The following EML6 variants were observed in gnomAD, a reference collection of about 807,000 sequenced individuals.
The protein encoded by EML6 is echinoderm microtubule-associated protein-like 6.
A neutral mutation model predicts 240.1 loss-of-function variants in EML6; 154 were observed. The ratio of observed to expected loss-of-function variants is 0.64; its 90% confidence interval spans 0.56 to 0.73. The LOEUF is 0.73. Ranked by LOEUF, EML6 falls within the 30% of genes least tolerant of loss-of-function variation. The probability of loss-of-function intolerance (pLI) is 0.00; values close to 1 mark genes in which losing one functional copy is unlikely to be tolerated. For missense variants in EML6, 2,964 were observed against 2,474.6 expected (o/e 1.20, Z -4.20); for synonymous variants, 1,148 against 899.0 (o/e 1.28, Z -4.95).
chr2:54,904,429 A>G (rs529394573), intron 24 of EML6, among the ~76,000 whole-genome samples: 14 of 152,186 alleles, frequency 9.2e-5, no homozygotes, highest in African/African-American at 1.9e-4. Context: ...ACCAAGCCCA[A>G]TGTATGCTCT....
At chr2:54,896,799 C>T (rs539640219) in intron 21 of EML6, among the ~76,000 whole-genome samples, 83 of 152,296 alleles carry the variant, frequency 5.4e-4, no homozygotes, top group African/African-American at 2.0e-3. Context: ...TGTGCATATA[C>T]ACTATGGCTC....
chr2:54,947,950 A>C (rs1675770450), intron 28 of EML6, among the ~76,000 whole-genome samples: 1 of 152,208 alleles, frequency 6.6e-6, no homozygotes, highest in African/African-American at 2.4e-5. Context: ...GGTGGTTGCT[A>C]ATGCGGCTCT....
intron 28 of EML6, among the ~76,000 whole-genome samples, chr2:54,941,605 C>T (rs1379039141): frequency 6.6e-6 from 1 of 152,202 alleles, no homozygotes; most frequent in Non-Finnish European, 1.5e-5. Context: ...TGAAGCTTGG[C>T]CCAATAAATG....
intron 2 of EML6, among the ~76,000 whole-genome samples, chr2:54,799,355 C>T (rs752855346): frequency 6.6e-6 from 1 of 152,022 alleles, no homozygotes; most frequent in East Asian, 1.9e-4. Context: ...GCCACCACGC[C>T]CAGCCTTTAT....
intron 26 of EML6, among the ~76,000 whole-genome samples, chr2:54,926,904 T>A (rs528956976): frequency 1.3e-5 from 2 of 152,212 alleles, no homozygotes; most frequent in Non-Finnish European, 2.9e-5. Flanking sequence ...GTCCCTCTTA[T>A]AAGTTGAGGG....
At chr2:54,787,890 C>T (rs1445965716) in intron 2 of EML6, among the ~76,000 whole-genome samples, 1 of 152,012 alleles carries the variant, frequency 6.6e-6, no homozygotes. Flanking sequence ...ATTTGAAACC[C>T]GGTTGTACAC....
intron 2 of EML6, among the ~76,000 whole-genome samples, chr2:54,788,344 C>CG (rs1487894216): frequency 6.6e-6 from 1 of 152,218 alleles, no homozygotes; most frequent in Non-Finnish European, 1.5e-5. Context: ...CTCACTTGAA[C>CG]CTAACTCCCT....
intron 5 of EML6, among the ~76,000 whole-genome samples, chr2:54,823,341 G>A (rs1178993242): frequency 6.6e-6 from 1 of 152,180 alleles, no homozygotes. Flanking sequence ...TCTGTCAGGA[G>A]TTAAGAGAGG....
chr2:54,752,739 A>C (rs550269994), intron 2 of EML6, among the ~76,000 whole-genome samples: 1 of 152,308 alleles, frequency 6.6e-6, no homozygotes, highest in South Asian at 2.1e-4. Flanking sequence ...TGTGTTCACT[A>C]TTGGACATTT....
intron 2 of EML6, among the ~76,000 whole-genome samples, chr2:54,796,084 A>G (rs948375121): frequency 6.6e-6 from 1 of 152,182 alleles, no homozygotes; most frequent in Admixed American, 6.5e-5. Flanking sequence ...AAATTATAAC[A>G]AGGATTTCAA....
At chr2:54,744,584 G>T (rs1036972457) in intron 2 of EML6, among the ~76,000 whole-genome samples, 8 of 152,030 alleles carry the variant, frequency 5.3e-5, no homozygotes, top group Admixed American at 4.6e-4. Flanking sequence ...CGCAGAGCAG[G>T]GGGAGCAGGA....
At chr2:54,781,588 C>G (rs1218759169) in intron 2 of EML6, among the ~76,000 whole-genome samples, 1 of 152,094 alleles carries the variant, frequency 6.6e-6, no homozygotes, top group Non-Finnish European at 1.5e-5. Context: ...TGTTTTAAAG[C>G]TCATATCTAA....
chr2:54,846,600 C>G (rs1669769823), intron 8 of EML6, among the ~76,000 whole-genome samples: 1 of 151,724 alleles, frequency 6.6e-6, no homozygotes, highest in African/African-American at 2.4e-5. Flanking sequence ...CCTCCTACCT[C>G]AGCCTCCCAA....
intron 2 of EML6, among the ~76,000 whole-genome samples, chr2:54,782,347 T>C (rs963212251): frequency 6.6e-6 from 1 of 152,200 alleles, no homozygotes; most frequent in Non-Finnish European, 1.5e-5. Context: ...GTCAAATTTT[T>C]ATATTGGGAA....
chr2:54,762,511 C>T (rs990597231), intron 2 of EML6, among the ~76,000 whole-genome samples: 4 of 152,136 alleles, frequency 2.6e-5, no homozygotes, highest in African/African-American at 7.2e-5. Flanking sequence ...ACTCCCCAAG[C>T]GTCTCCCACC....
In EML6 at chr2:54,869,192, A is replaced by G. The variant is rs1200537274; in HGVS notation, c.2063A>G (p.Tyr688Cys). 2 of 1,550,740 alleles carry G rather than the reference A, an allele frequency of 1.3e-6. No individual in the cohort carries two copies. The highest frequency in any genetic ancestry group is 4.9e-5 in the East Asian group (2 of 40,916). The stretch of plus-strand genomic sequence containing the variant: ...GACCTGTGCTTCAGTTATAGAGGCT[A>G]CGACTGTAGAAACAATCTGTTCTAC... Reference protein sequence around the residue: ...KLQFIHGYRGYDCRNNLFYTQ... With the variant: ...KLQFIHGYRGCDCRNNLFYTQ... Residue 688 changes from tyrosine (Y) to cysteine (C), a missense_variant, in exon 15 of 42, where the codon TAC becomes TGC. Physicochemically the swap from Tyr to Cys is radical, Grantham distance 194. Transcript: ENST00000356458.
chr2:54,884,070 C>G (rs769478207), intron 17 of EML6, among the ~76,000 whole-genome samples: 2 of 152,194 alleles, frequency 1.3e-5, no homozygotes, highest in Non-Finnish European at 2.9e-5. Flanking sequence ...TTCTCTAGTT[C>G]CGTTCTATTC....
In EML6 at chr2:54,964,599, G is replaced by A. The variant is rs749317298; in HGVS notation, c.5359G>A (p.Val1787Ile). The A allele has an allele frequency of 2.0e-5, 31 of 1,552,220 alleles. No individual in the cohort carries two copies. The highest frequency in any genetic ancestry group is 2.4e-5 in the East Asian group (1 of 40,934). Residue 1787 changes from valine to isoleucine, a missense_variant, in exon 38 of 42, where the codon GTT becomes ATT. Transcript: ENST00000356458. ...RISPDNRFLAVGSSEHTVDFY... is the reference protein window; with the variant it reads ...RISPDNRFLAIGSSEHTVDFY... ...CAGCCCAGACAACCGATTCTTAGCCGTTGGTTCTTCTGAACACACAGTTGA... is the reference window on the plus strand; with the variant it reads ...CAGCCCAGACAACCGATTCTTAGCCATTGGTTCTTCTGAACACACAGTTGA...
At chr2:54,859,445 A>T in intron 11 of EML6, 89 bp from the exon 12 acceptor site, 1 of 977,584 alleles carries the variant, frequency 1.0e-6, no homozygotes, top group South Asian at 1.6e-5. Flanking sequence ...TAAAGATTTT[A>T]CTCTTCAACA....
Sources: allele counts gnomAD v4.1 joint callset (sites outside exome capture counted in the v4.1 genomes callset), GRCh38; gene constraint gnomAD v4.1.1; transcripts MANE v1.5; gene names NCBI Gene and HGNC (gene_info 2026-07-23, HGNC 2026-07-21).